Variants in CERS6 observed in about 807,000 individuals in gnomAD.
The protein encoded by CERS6 is LAG1 homolog, ceramide synthase 6.
A neutral mutation model predicts 56.8 loss-of-function variants in CERS6; 26 were observed. That is an observed-to-expected ratio of 0.46 (90% CI 0.34 to 0.63). CERS6 has a LOEUF of 0.63. CERS6 is among the 30% of genes least tolerant of loss of function. CERS6 has a pLI of 0.01. For missense variants in CERS6, 415 were observed against 467.5 expected (o/e 0.89, Z 1.04); for synonymous variants, 164 against 173.3 (o/e 0.95, Z 0.42).
At chr2:168,580,380 T>G (rs1683379818) in intron 3 of CERS6, among the ~76,000 whole-genome samples, 1 of 152,170 alleles carries the variant, frequency 6.6e-6, no homozygotes, top group Non-Finnish European at 1.5e-5. Context: ...TTGGTGGTTA[T>G]CCTAGAAATT....
In CERS6 at chr2:168,656,906, A is replaced by G. The variant is rs1421702128; in HGVS notation, c.465+25864A>G. Among the ~76,000 whole-genome samples, 3 of 152,184 alleles carry G rather than the reference A, an allele frequency of 2.0e-5. No homozygotes were observed. In the East Asian group the frequency reaches 5.8e-4, roughly 29 times the overall value. On this transcript the variant is annotated intron_variant, in intron 4 of 9. Coordinates refer to ENST00000305747, the MANE Select transcript of CERS6 (RefSeq NM_203463.3). ...TACAAAGGTTCTCCACCTCCCCATC[A>G]GATTAGTTAGATACAGAGTTTCCAC...
At chr2:168,696,070 T>A (rs1686639166) in intron 6 of CERS6, among the ~76,000 whole-genome samples, 1 of 152,224 alleles carries the variant, frequency 6.6e-6, no homozygotes, top group South Asian at 2.1e-4. Flanking sequence ...AAAACAGTTC[T>A]AATCCCAAGC....
chr2:168,730,037 T>A (rs2105410492), intron 8 of CERS6, among the ~76,000 whole-genome samples: 1 of 152,336 alleles, frequency 6.6e-6, no homozygotes, highest in Non-Finnish European at 1.5e-5. Flanking sequence ...CCCCTGCAGT[T>A]TGGCACAATG....
chr2:168,749,538 TAG>T (rs982780049), intron 8 of CERS6, among the ~76,000 whole-genome samples: 4 of 152,114 alleles, frequency 2.6e-5, no homozygotes, highest in Non-Finnish European at 5.9e-5. Flanking sequence ...ATGGGGGAAG[TAG>T]AGTGATTCCA....
intron 4 of CERS6, among the ~76,000 whole-genome samples, chr2:168,679,718 T>C (rs1260171018): frequency 1.3e-5 from 2 of 152,224 alleles, no homozygotes; most frequent in Non-Finnish European, 2.9e-5. Context: ...GTCAATTCTC[T>C]TTATAGTGTT....
At chr2:168,686,136 C>T (rs1686344254) in intron 4 of CERS6, among the ~76,000 whole-genome samples, 1 of 147,814 alleles carries the variant, frequency 6.8e-6, no homozygotes, top group Admixed American at 6.8e-5. Flanking sequence ...CTGGAAGTTG[C>T]AGATAAGGTC....
At chr2:168,743,222 GTGTATA>G (rs922896593) in intron 8 of CERS6, among the ~76,000 whole-genome samples, 5 of 125,730 alleles carry the variant, frequency 4.0e-5, no homozygotes, top group Admixed American at 1.8e-4. Flanking sequence ...GTATGTGTGT[GTGTATA>G]TATATATGTG....
intron 8 of CERS6, among the ~76,000 whole-genome samples, chr2:168,764,900 C>T (rs915871980): frequency 1.3e-5 from 2 of 152,176 alleles, no homozygotes; most frequent in African/African-American, 2.4e-5. Context: ...GATACATACT[C>T]AGAGCGATAT....
intron 4 of CERS6, among the ~76,000 whole-genome samples, chr2:168,677,789 G>A (rs188930656): frequency 1.3e-5 from 2 of 152,274 alleles, no homozygotes; most frequent in East Asian, 3.9e-4. Flanking sequence ...GAGCCACTGT[G>A]CCCAGCCATG....
At chr2:168,645,142 T>TAGAGAGAGAGAGAGAG (rs35865470) in intron 4 of CERS6, among the ~76,000 whole-genome samples, 3 of 12,746 alleles carry the variant, frequency 2.4e-4, no homozygotes, top group African/African-American at 2.7e-4. Flanking sequence ...TATATATATA[T>TAGAGAGAGAGAGAGAG]AGAGAGAGAG....
At chr2:168,610,849 C>T (rs1242322676) in intron 3 of CERS6, among the ~76,000 whole-genome samples, 1 of 152,164 alleles carries the variant, frequency 6.6e-6, no homozygotes, top group South Asian at 2.1e-4. Flanking sequence ...GCCCTGCCGC[C>T]TAGGCTGGAG....
intron 1 of CERS6, among the ~76,000 whole-genome samples, chr2:168,517,494 AAAATAAAT>A (rs148764497): frequency 0.032 from 4,831 of 149,524 alleles, 274 homozygotes; most frequent in African/African-American, 0.11. Flanking sequence ...ACTGCCTCAA[AAAATAAAT>A]AAATAAATAA....
intron 1 of CERS6, among the ~76,000 whole-genome samples, chr2:168,524,744 G>A (rs529924267): frequency 1.3e-5 from 2 of 152,096 alleles, no homozygotes; most frequent in South Asian, 4.1e-4. Flanking sequence ...AGTAAATACG[G>A]GGTTTTATGT....
At chr2:168,745,533 G>A (rs141625562) in intron 8 of CERS6, among the ~76,000 whole-genome samples, 1,911 of 152,182 alleles carry the variant, frequency 0.013, 45 homozygotes, top group African/African-American at 0.042. Context: ...GAACCACTGC[G>A]CCTGGCCAAA....
At chr2:168,681,804 C>T (rs1686224033) in intron 4 of CERS6, among the ~76,000 whole-genome samples, 1 of 152,162 alleles carries the variant, frequency 6.6e-6, no homozygotes, top group Admixed American at 6.5e-5. Context: ...TTACCCTGCC[C>T]ATCCCCTAGT....
chr2:168,615,600 G>A (rs771126422), intron 3 of CERS6, among the ~76,000 whole-genome samples: 6 of 152,014 alleles, frequency 3.9e-5, no homozygotes, highest in East Asian at 3.9e-4. Flanking sequence ...CAATAGAGTC[G>A]AACAAGCAGA....
chr2:168,552,009 A>T (rs918644873), intron 2 of CERS6, among the ~76,000 whole-genome samples: 1 of 151,862 alleles, frequency 6.6e-6, no homozygotes, highest in Admixed American at 6.6e-5. Flanking sequence ...GTGAGAATAT[A>T]TGTCAGGTAT....
chr2:168,541,592 G>A (rs1695371472), intron 1 of CERS6, among the ~76,000 whole-genome samples: 1 of 151,242 alleles, frequency 6.6e-6, no homozygotes, highest in Non-Finnish European at 1.5e-5. Flanking sequence ...ATTAGATTAT[G>A]TATCCTGGGC....
chr2:168,667,071 A>G (rs1685780819), intron 4 of CERS6, among the ~76,000 whole-genome samples: 1 of 152,134 alleles, frequency 6.6e-6, no homozygotes, highest in African/African-American at 2.4e-5. Context: ...TGACATGGAT[A>G]AGGCTCCTCT....
Sources: gnomAD v4.1 joint callset for allele counts (sites outside exome capture counted in the v4.1 genomes callset) on GRCh38, gnomAD v4.1.1 for gene constraint, MANE v1.5 for transcripts, NCBI Gene and HGNC (gene_info 2026-07-23, HGNC 2026-07-21) for gene names.